Variants in KNTC1 observed in about 807,000 individuals in gnomAD.
KNTC1 encodes the protein kinetochore associated 1.
KNTC1 carries 253 observed loss-of-function variants against 314.4 expected under a neutral mutation model. That is an observed-to-expected ratio of 0.80 (90% CI 0.73 to 0.89). The LOEUF is 0.89. Ranked by LOEUF, KNTC1 falls within the 40% of genes least tolerant of loss-of-function variation. KNTC1 has a pLI of 0.00. For synonymous variants in KNTC1, 901 were observed against 901.4 expected (o/e 1.00, Z 0.01); for missense variants, 2,475 against 2,572.9 (o/e 0.96, Z 0.82).
At position 122,609,494 on chromosome 12, in the gene KNTC1, A is replaced by C. The variant is rs770636066; in HGVS notation, c.5543+64A>C. ...TGCAAAATAGAAATCTTACCAGTAC[A>C]TTTTTCAGCAGTTGATTTTTTTAAA... On this transcript the variant is annotated intron_variant, in intron 52 of 63. Coordinates refer to ENST00000333479, the MANE Select transcript of KNTC1 (RefSeq NM_014708.6). The C allele has an allele frequency of 2.8e-6, 3 of 1,083,132 alleles. No homozygotes were observed. In the Admixed American group the frequency reaches 8.7e-5, roughly 32 times the overall value. 67.1% of individuals were successfully genotyped at this position (1,083,132 alleles called of 1,614,324 possible).
chr12:122,532,190 C>T (rs1381898178), intron 2 of KNTC1, among the ~76,000 whole-genome samples: 6 of 149,134 alleles, frequency 4.0e-5, no homozygotes, highest in African/African-American at 1.2e-4. Flanking sequence ...CCTGCCACCA[C>T]GCCTGGCTAA....
intron 62 of KNTC1, among the ~76,000 whole-genome samples, chr12:122,623,216 T>C (rs906976683): frequency 2.0e-5 from 3 of 152,200 alleles, no homozygotes; most frequent in Admixed American, 1.3e-4. Context: ...TTAATGACTT[T>C]ATGTAGCATC....
At chr12:122,556,533 GCACGATCTCTGCT>G (rs1337748237) in intron 16 of KNTC1, among the ~76,000 whole-genome samples, 1 of 145,386 alleles carries the variant, frequency 6.9e-6, no homozygotes, top group Non-Finnish European at 1.5e-5. Context: ...TTGTGCAGTG[GCACGATCTCTGCT>G]CACTGCAAGC....
chr12:122,583,168 A>G (rs1336108332), intron 34 of KNTC1, among the ~76,000 whole-genome samples, 183 bp downstream of exon 34: 2 of 152,046 alleles, frequency 1.3e-5, no homozygotes, highest in Non-Finnish European at 2.9e-5. Flanking sequence ...AAAATTAGCC[A>G]GGCATGGTGG....
intron 42 of KNTC1, chr12:122,592,841 A>G (rs1434730455): frequency 6.6e-6 from 1 of 152,138 alleles, no homozygotes; most frequent in African/African-American, 2.4e-5. Flanking sequence ...CCCCTTCCAC[A>G]CTGTGCTTTG....
intron 54 of KNTC1, 86 bp downstream of exon 54, chr12:122,613,316 A>T (rs1368101532): frequency 4.5e-6 from 4 of 881,466 alleles, no homozygotes; most frequent in Admixed American, 2.2e-5. Flanking sequence ...AATTCAGAAG[A>T]GCATAGTAGA....
chr12:122,616,150 G>A (rs1159792970), intron 57 of KNTC1, among the ~76,000 whole-genome samples: 1 of 151,922 alleles, frequency 6.6e-6, no homozygotes, highest in Non-Finnish European at 1.5e-5. Flanking sequence ...TGATAAATTA[G>A]AACAATATAG....
chr12:122,579,907 C>G lies in KNTC1; in HGVS notation c.2844C>G (p.Gly948=). 6.9e-6 allele frequency: 11 copies of G among 1,603,234 alleles called. No homozygotes were observed. The highest frequency in any genetic ancestry group is 9.4e-6 in the Non-Finnish European group (11 of 1,170,984). Residue 948 remains glycine, a splice_region_variant and synonymous_variant, in exon 32 of 64, where the codon GGC becomes GGG. Coordinates refer to ENST00000333479, the MANE Select transcript of KNTC1 (RefSeq NM_014708.6). The part of the protein sequence containing the change: ...LQEEPDHSKE[G]KAWRMSVAKT... ...TCGCTTTATTTATTTATTTTTAGGG[C>G]AAGGCCTGGAGAATGTCTGTAGCGA...
At chr12:122,578,737 A>AC (rs1965194636) in intron 31 of KNTC1, among the ~76,000 whole-genome samples, 1 of 151,724 alleles carries the variant, frequency 6.6e-6, no homozygotes, top group South Asian at 2.1e-4. Flanking sequence ...GGATTTTTAA[A>AC]CCCCTAAGGA....
chr12:122,578,833 T>C (rs190943541), intron 31 of KNTC1, among the ~76,000 whole-genome samples: 276 of 152,330 alleles, frequency 1.8e-3, no homozygotes, highest in Non-Finnish European at 2.9e-3. Context: ...TAACACCTAA[T>C]ATTTGCTATG....
At position 122,612,480 on chromosome 12, in the gene KNTC1, C is replaced by T. The variant is rs146037744; in HGVS notation, c.5623-632C>T. ...TGCCCAGGTTGGAGTAGTGCAGTGG[C>T]GCGATCTCAGCTCACTGCAACCTCC... On this transcript the variant is annotated intron_variant, in intron 53 of 63. Transcript: ENST00000333479. Among the ~76,000 whole-genome samples, 1,204 of 148,920 alleles carry T rather than the reference C, an allele frequency of 8.1e-3. 21 individuals are homozygous for T. The highest frequency in any genetic ancestry group is 0.029 in the African/African-American group (1,151 of 40,356).
rs1873619141 is a variant in KNTC1, at chr12:122,615,039, C to T, written c.5926C>T (p.Leu1976=). The T allele has an allele frequency of 6.2e-7, 1 of 1,613,554 alleles. No homozygotes were observed. The highest frequency in any genetic ancestry group is 1.1e-5 in the South Asian group (1 of 91,002). Residue 1976 remains leucine, a synonymous_variant, in exon 56 of 64, where the codon CTG becomes TTG. Transcript: ENST00000333479. ...ELCLEYKIYD[L]QLWNGLLQKL... ...GTGTTTAGAATACAAAATCTATGAC[C>T]TGCAGCTTTGGAATGGACTCTTGCA...
At position 122,599,015 on chromosome 12, in the gene KNTC1, A is replaced by AT. The variant is rs202144728; in HGVS notation, c.4563+1084dup. The stretch of plus-strand genomic sequence containing the variant: ...TAAAATTTTTTAAATTAAAAAAAAA[A>AT]TTTTTTTGTGCAGATGAATCTCACT... On this transcript the variant is annotated intron_variant, in intron 44 of 63. Transcript: ENST00000333479. Among the ~76,000 whole-genome samples the AT allele has an allele frequency of 8.5e-3, 1,293 of 151,934 alleles. 17 individuals carry two copies. Among genetic ancestry groups the AT allele is most frequent in the African/African-American group, 0.03 (1,249 of 41,476 alleles).
At chr12:122,536,039 G>T (rs952973344) in intron 3 of KNTC1, among the ~76,000 whole-genome samples, 3 of 145,504 alleles carry the variant, frequency 2.1e-5, no homozygotes, top group African/African-American at 7.6e-5. Flanking sequence ...GACTACAGGC[G>T]CCCACCACCA....
intron 43 of KNTC1, chr12:122,597,395 T>C (rs1336626647): frequency 3.3e-6 from 1 of 301,760 alleles, no homozygotes; most frequent in South Asian, 3.1e-5. Context: ...ACTACAGCCA[T>C]GCGCCACCAT....
chr12:122,572,210 G>A (rs1053824540), intron 24 of KNTC1, among the ~76,000 whole-genome samples: 5 of 152,010 alleles, frequency 3.3e-5, no homozygotes, highest in Admixed American at 6.6e-5. Context: ...TGATTAACAT[G>A]GTGAAACCCC....
chr12:122,590,036 G>A (rs1041702187), intron 40 of KNTC1, among the ~76,000 whole-genome samples: 13 of 151,614 alleles, frequency 8.6e-5, no homozygotes, highest in Non-Finnish European at 1.9e-4. Context: ...CACCCTCCTC[G>A]GCCTCCCAAA....
At chr12:122,595,631 T>C (rs1352271544) in intron 43 of KNTC1, among the ~76,000 whole-genome samples, 1 of 152,206 alleles carries the variant, frequency 6.6e-6, no homozygotes, top group East Asian at 1.9e-4. Context: ...TGCGCATAGC[T>C]CGAAGGAGCA....
chr12:122,568,097 G>A (rs1333704216), intron 20 of KNTC1, among the ~76,000 whole-genome samples, 164 bp from the exon 21 acceptor site: 1 of 152,168 alleles, frequency 6.6e-6, no homozygotes, highest in African/African-American at 2.4e-5. Flanking sequence ...AGAAGGAAAT[G>A]TACTTTGCAT....
Sources: gnomAD v4.1 joint callset for allele counts (sites outside exome capture counted in the v4.1 genomes callset) on GRCh38, gnomAD v4.1.1 for gene constraint, MANE v1.5 for transcripts, NCBI Gene and HGNC (gene_info 2026-07-23, HGNC 2026-07-21) for gene names.